Variants in SLC39A8 observed in about 807,000 individuals in gnomAD.
SLC39A8 encodes solute carrier family 39 member 8.
SLC39A8 carries 15 observed loss-of-function variants against 40.4 expected under a neutral mutation model. The observed-to-expected ratio is 0.37, with a 90% CI of 0.25 to 0.57. The LOEUF (loss-of-function observed/expected upper bound fraction) is 0.57. SLC39A8 is among the 20% of genes least tolerant of loss of function. SLC39A8 has a pLI of 0.75. For missense variants in SLC39A8, 472 were observed against 558.8 expected, an observed-to-expected ratio of 0.84 and a Z score of 1.57; for synonymous variants, 223 against 221.6, an observed-to-expected ratio of 1.01 and a Z score of -0.06.
chr4:102,342,473 G>A (rs1317669459), intron 2 of SLC39A8, among the ~76,000 whole-genome samples: 1 of 152,144 alleles, frequency 6.6e-6, no homozygotes, highest in Non-Finnish European at 1.5e-5. Context: ...ACTCCAGCCT[G>A]AGCAACAAGA....
downstream of SLC39A8, among the ~76,000 whole-genome samples, chr4:102,258,097 G>GTTTTTT (rs1270948341): frequency 2.9e-5 from 4 of 136,658 alleles, no homozygotes; most frequent in African/African-American, 1.4e-4. Flanking sequence ...GTAAGTAAGT[G>GTTTTTT]TTTTTTGTTT....
At chr4:102,332,134 A>G (rs968145867) in intron 2 of SLC39A8, among the ~76,000 whole-genome samples, 1 of 152,232 alleles carries the variant, frequency 6.6e-6, no homozygotes, top group Non-Finnish European at 1.5e-5. Context: ...AAACACCAAA[A>G]GCAATGGCAA....
chr4:102,334,159 G>A (rs773932578), intron 2 of SLC39A8, among the ~76,000 whole-genome samples: 1 of 152,104 alleles, frequency 6.6e-6, no homozygotes, highest in Non-Finnish European at 1.5e-5. Context: ...CCTTTCTATG[G>A]TCCAGTTATA....
At chr4:102,304,935 A>G in intron 5 of SLC39A8, 54 bp downstream of exon 5, 6 of 1,489,782 alleles carry the variant, frequency 4.0e-6, no homozygotes, top group Non-Finnish European at 5.5e-6. Context: ...ATTTGCCTAT[A>G]TAAAGTAGCT....
chr4:102,277,207 T>C (rs1263129234), intron 6 of SLC39A8, among the ~76,000 whole-genome samples: 1 of 152,224 alleles, frequency 6.6e-6, no homozygotes, highest in Non-Finnish European at 1.5e-5. Context: ...TTATCTCTGT[T>C]TGCAGATGAC....
intron 6 of SLC39A8, among the ~76,000 whole-genome samples, chr4:102,302,411 T>C (rs1246698144): frequency 7.2e-5 from 11 of 152,026 alleles, no homozygotes; most frequent in Admixed American, 7.2e-4. Flanking sequence ...GTAAGGCAAC[T>C]AGAATTTAGA....
intron 2 of SLC39A8, 103 bp from the exon 3 acceptor site, chr4:102,315,933 A>G: frequency 3.3e-6 from 3 of 904,250 alleles, no homozygotes; most frequent in Non-Finnish European, 4.6e-6. Context: ...GATGCACAGC[A>G]CTCTTTATAC....
At chr4:102,329,990 A>G (rs1462979108) in intron 2 of SLC39A8, among the ~76,000 whole-genome samples, 1 of 152,214 alleles carries the variant, frequency 6.6e-6, no homozygotes, top group Non-Finnish European at 1.5e-5. Context: ...AAGACACAAC[A>G]TACCAGAATC....
chr4:102,273,797 A>C (rs1261546728), intron 6 of SLC39A8, among the ~76,000 whole-genome samples: 1 of 152,248 alleles, frequency 6.6e-6, no homozygotes, highest in Non-Finnish European at 1.5e-5. Flanking sequence ...GGTGATACCC[A>C]GGCAAACAGG....
chr4:102,286,090 G>A (rs1733167569), intron 6 of SLC39A8, among the ~76,000 whole-genome samples: 1 of 152,050 alleles, frequency 6.6e-6, no homozygotes, highest in Admixed American at 6.6e-5. Context: ...TTATGAAATG[G>A]ACATCCTTTA....
At chr4:102,317,933 A>G (rs1734735663) in intron 2 of SLC39A8, among the ~76,000 whole-genome samples, 1 of 152,194 alleles carries the variant, frequency 6.6e-6, no homozygotes, top group African/African-American at 2.4e-5. Flanking sequence ...TGCATTTTTT[A>G]ATGAAGTAAA....
At chr4:102,274,272 C>T (rs1258880439) in intron 6 of SLC39A8, among the ~76,000 whole-genome samples, 1 of 151,882 alleles carries the variant, frequency 6.6e-6, no homozygotes, top group African/African-American at 2.4e-5. Context: ...CTGATAAAGT[C>T]GAAAAACACA....
At chr4:102,339,945 T>G (rs1260914807) in intron 2 of SLC39A8, among the ~76,000 whole-genome samples, 21 of 152,224 alleles carry the variant, frequency 1.4e-4, no homozygotes, top group Admixed American at 1.4e-3. Context: ...GTTATTTATA[T>G]CCCACTGCTC....
chr4:102,265,736 C>T (rs1344730104), intron 8 of SLC39A8, among the ~76,000 whole-genome samples: 1 of 152,182 alleles, frequency 6.6e-6, no homozygotes. Flanking sequence ...ATATCTAGTT[C>T]TTTCAGGCAT....
At chr4:102,309,690 T>C (rs73834752) in intron 3 of SLC39A8, among the ~76,000 whole-genome samples, 3,093 of 152,248 alleles carry the variant, frequency 0.02, 35 homozygotes, top group Middle Eastern at 0.034. Context: ...TAAGTGCCAA[T>C]AGAAGCAAAG....
intron 6 of SLC39A8, among the ~76,000 whole-genome samples, chr4:102,276,496 T>C (rs1440243510): frequency 1.1e-5 from 1 of 90,626 alleles, no homozygotes; most frequent in Non-Finnish European, 2.8e-5. Context: ...CAGTAATTAA[T>C]AGTCTTAACA....
intron 6 of SLC39A8, among the ~76,000 whole-genome samples, chr4:102,300,574 A>G (rs370231423): frequency 6.6e-6 from 1 of 152,182 alleles, no homozygotes; most frequent in East Asian, 1.9e-4. Context: ...TTCTATTGAC[A>G]GTAATGCCAA....
chr4:102,306,268 TAATA>T (rs757850024), intron 4 of SLC39A8, among the ~76,000 whole-genome samples: 30 of 151,876 alleles, frequency 2.0e-4, no homozygotes, highest in Non-Finnish European at 3.8e-4. Context: ...GCAGATGAGA[TAATA>T]AATACATATA....
chr4:102,315,316 T>C (rs906010183), intron 3 of SLC39A8, among the ~76,000 whole-genome samples: 3 of 152,054 alleles, frequency 2.0e-5, no homozygotes, highest in African/African-American at 7.2e-5. Context: ...TTTAAAATAA[T>C]ATGGTAAGCA....
Sources: gnomAD v4.1 joint callset for allele counts (sites outside exome capture counted in the v4.1 genomes callset) on GRCh38, gnomAD v4.1.1 for gene constraint, MANE v1.5 for transcripts, NCBI Gene and HGNC (gene_info 2026-07-23, HGNC 2026-07-21) for gene names.